IMMP2L: variants seen among roughly 807,000 people sequenced by gnomAD.
IMMP2L encodes the protein inner mitochondrial membrane peptidase subunit 2.
Under a neutral mutation model 19.3 loss-of-function variants are expected in IMMP2L, and 18 were observed. The observed-to-expected ratio is 0.93, with a 90% CI of 0.64 to 1.38. The LOEUF (loss-of-function observed/expected upper bound fraction) is 1.38, where lower values mean the gene tolerates loss of function less well. Ranked by LOEUF, IMMP2L falls within the 40% of genes most tolerant of loss-of-function variation. The pLI, the probability that IMMP2L is intolerant of heterozygous loss-of-function variation, is 0.00. For synonymous variants in IMMP2L, 76 were observed against 73.0 expected (o/e 1.04, Z -0.21); for missense variants, 233 against 218.2 (o/e 1.07, Z -0.43).
chr7:110,837,951 T>C (rs1255412617), intron 5 of IMMP2L, among the ~76,000 whole-genome samples: 11 of 152,278 alleles, frequency 7.2e-5, no homozygotes, highest in Admixed American at 7.2e-4. Context: ...CCAAAGACTA[T>C]GTAAGAACAT....
In IMMP2L at chr7:111,016,788, CTATATAATATATAATATATACTA is replaced by C. The variant is rs1563162831; in HGVS notation, c.240-53246_240-53224del. Among the ~76,000 whole-genome samples, 16 of 70,880 alleles carry C rather than the reference CTATATAATATATAATATATACTA, an allele frequency of 2.3e-4. No individual in the cohort carries two copies. In the East Asian group the frequency reaches 5.4e-3, roughly 24 times the overall value. 46.5% of individuals were successfully genotyped at this position (70,880 alleles called of 152,430 possible). A position where few individuals can be genotyped will look rare whatever the true frequency, so the allele number is the denominator to read the frequency against. On this transcript the variant is annotated intron_variant, in intron 3 of 5. Transcript: ENST00000405709. ...TTTATATATGCATATATAATATATACTATATAATATATAATATATACTATATATTATATATAATATATAGTATA... is the reference window on the plus strand; with the variant it reads ...TTTATATATGCATATATAATATATACTATATTATATATAATATATAGTATA...
At chr7:110,951,911 C>T (rs1817872230) in intron 4 of IMMP2L, among the ~76,000 whole-genome samples, 1 of 152,150 alleles carries the variant, frequency 6.6e-6, no homozygotes, top group East Asian at 1.9e-4. Context: ...AGAGAAACCC[C>T]GGTCAACGTT....
intron 3 of IMMP2L, among the ~76,000 whole-genome samples, chr7:111,084,201 A>G (rs1796114002): frequency 6.6e-6 from 1 of 151,966 alleles, no homozygotes. Flanking sequence ...AAAACTTCAG[A>G]GTAAAATCAA....
intron 5 of IMMP2L, among the ~76,000 whole-genome samples, chr7:110,859,614 G>A (rs1807167913): frequency 3.3e-5 from 5 of 151,692 alleles, no homozygotes; most frequent in Admixed American, 2.6e-4. Flanking sequence ...ATGGTGTTGT[G>A]TACCTGCAGT....
intron 1 of IMMP2L, among the ~76,000 whole-genome samples, chr7:111,560,774 G>T (rs1184941456): frequency 1.3e-5 from 2 of 152,212 alleles, no homozygotes; most frequent in African/African-American, 4.8e-5. Context: ...GTAGCACATG[G>T]TAAGAGAGAA....
At chr7:110,685,987 C>G (rs1793082627) in intron 5 of IMMP2L, among the ~76,000 whole-genome samples, 1 of 152,058 alleles carries the variant, frequency 6.6e-6, no homozygotes, top group Admixed American at 6.6e-5. Context: ...GTTAAAAGGT[C>G]CATTGGAAGT....
intron 3 of IMMP2L, among the ~76,000 whole-genome samples, chr7:111,280,944 C>T (rs1454676269): frequency 2.0e-5 from 3 of 151,790 alleles, no homozygotes; most frequent in Admixed American, 2.0e-4. Context: ...GTGGCAGGCG[C>T]CTGTAGTCCC....
chr7:110,980,365 A>G (rs1821164660), intron 3 of IMMP2L, among the ~76,000 whole-genome samples: 1 of 151,132 alleles, frequency 6.6e-6, no homozygotes, highest in Non-Finnish European at 1.5e-5. Context: ...AGTAGCTGGG[A>G]CTACAGGCGC....
At chr7:110,999,505 T>TG (rs1823415002) in intron 3 of IMMP2L, among the ~76,000 whole-genome samples, 1 of 151,872 alleles carries the variant, frequency 6.6e-6, no homozygotes, top group African/African-American at 2.4e-5. Context: ...TATTCTCTAG[T>TG]AGTACTCTCT....
intron 3 of IMMP2L, among the ~76,000 whole-genome samples, chr7:111,299,410 C>T (rs1428335942): frequency 6.6e-6 from 1 of 152,006 alleles, no homozygotes; most frequent in Non-Finnish European, 1.5e-5. Flanking sequence ...CTACTATATG[C>T]TAGGTGTTCT....
chr7:110,888,745 T>C (rs1810478079), intron 4 of IMMP2L, among the ~76,000 whole-genome samples: 1 of 152,160 alleles, frequency 6.6e-6, no homozygotes, highest in Non-Finnish European at 1.5e-5. Flanking sequence ...CTGCTTACAG[T>C]GCTTTATTTT....
chr7:111,353,208 G>A (rs1012677140), intron 3 of IMMP2L, among the ~76,000 whole-genome samples: 10 of 152,126 alleles, frequency 6.6e-5, no homozygotes, highest in African/African-American at 2.4e-4. Context: ...GCTTTCACCT[G>A]GAGAGTGAAG....
chr7:110,874,076 A>C (rs186292750), intron 5 of IMMP2L, among the ~76,000 whole-genome samples: 1 of 152,244 alleles, frequency 6.6e-6, no homozygotes. Context: ...TGCATATACA[A>C]ATGATTTTGT....
chr7:110,846,634 G>A (rs1415631624), intron 5 of IMMP2L, among the ~76,000 whole-genome samples: 1 of 152,052 alleles, frequency 6.6e-6, no homozygotes, highest in Middle Eastern at 3.2e-3. Flanking sequence ...CCAAAATGCT[G>A]AGATTACAGG....
chr7:111,342,212 G>A (rs956072776), intron 3 of IMMP2L, among the ~76,000 whole-genome samples: 1 of 152,076 alleles, frequency 6.6e-6, no homozygotes, highest in African/African-American at 2.4e-5. Context: ...AAAACTTCCA[G>A]AACTTAAATT....
intron 3 of IMMP2L, among the ~76,000 whole-genome samples, chr7:111,437,664 G>T (rs528739413): frequency 1.8e-4 from 28 of 151,844 alleles, no homozygotes; most frequent in African/African-American, 6.5e-4. Context: ...CCAGCCATCT[G>T]GCCGCTTTCA....
chr7:111,441,666 A>C (rs1837734515), intron 3 of IMMP2L, among the ~76,000 whole-genome samples: 1 of 151,614 alleles, frequency 6.6e-6, no homozygotes, highest in Non-Finnish European at 1.5e-5. Context: ...GGTGTTGAAA[A>C]AATGGTCCCA....
chr7:111,384,395 T>C (rs1490191814), intron 3 of IMMP2L, among the ~76,000 whole-genome samples: 9 of 151,930 alleles, frequency 5.9e-5, no homozygotes, highest in Admixed American at 2.0e-4. Flanking sequence ...GGAAATCAGG[T>C]AGAGATTGCT....
At chr7:111,238,052 G>T (rs777101551) in intron 3 of IMMP2L, among the ~76,000 whole-genome samples, 4 of 152,038 alleles carry the variant, frequency 2.6e-5, no homozygotes, top group Admixed American at 6.6e-5. Context: ...GAAGAAGATG[G>T]ACTCCAAAGC....
Sources: allele counts gnomAD v4.1 joint callset (sites outside exome capture counted in the v4.1 genomes callset), GRCh38; gene constraint gnomAD v4.1.1; transcripts MANE v1.5; gene names NCBI Gene and HGNC (gene_info 2026-07-23, HGNC 2026-07-21).